Variants in TBC1D5 observed in about 807,000 individuals in gnomAD.
TBC1D5 encodes TBC1 domain family, member 5.
Under a neutral mutation model 100.3 loss-of-function variants are expected in TBC1D5, and 75 were observed. The ratio of observed to expected loss-of-function variants is 0.75; its 90% CI spans 0.62 to 0.91. The LOEUF (loss-of-function observed/expected upper bound fraction) is 0.91. Ranked by LOEUF, TBC1D5 falls within the 40% of genes least tolerant of loss-of-function variation. The probability of loss-of-function intolerance (pLI) is 0.00; values close to 1 mark genes in which losing one functional copy is unlikely to be tolerated. For missense variants in TBC1D5, 910 were observed against 942.4 expected, an observed-to-expected ratio of 0.97 and a Z score of 0.45; for synonymous variants, 323 against 325.6, an observed-to-expected ratio of 0.99 and a Z score of 0.09.
chr3:17,638,339 T>A (rs530804291), intron 1 of TBC1D5, among the ~76,000 whole-genome samples: 1 of 152,060 alleles, frequency 6.6e-6, no homozygotes, highest in African/African-American at 2.4e-5. Flanking sequence ...CAATCCCCCT[T>A]ACCCTAGCAA....
chr3:17,661,572 C>G (rs1295106770), intron 1 of TBC1D5, among the ~76,000 whole-genome samples: 1 of 150,164 alleles, frequency 6.7e-6, no homozygotes, highest in Non-Finnish European at 1.5e-5. Flanking sequence ...ACGATCTCAG[C>G]TCACTGCAAC....
At position 17,446,111 on chromosome 3, in the gene TBC1D5, G is replaced by A. The variant is rs113519778; in HGVS notation, c.98-17592C>T. 6.6e-3 allele frequency among the ~76,000 whole-genome samples: 1,010 copies of A among 152,174 alleles called. 5 individuals carry two copies. The highest frequency in any genetic ancestry group is 0.022 in the African/African-American group (927 of 41,492). On this transcript the variant is annotated intron_variant, in intron 3 of 21. Coordinates refer to ENST00000253692, the Ensembl canonical transcript of TBC1D5. ...TCCTCTGTGGCATAAAAATATGTAC[G>A]GCAGAAGGATGACTGCCCATCTCTC...
intron 1 of TBC1D5, among the ~76,000 whole-genome samples, chr3:17,674,268 GTCATCTA>G (rs1274980727): frequency 6.6e-6 from 1 of 151,972 alleles, no homozygotes; most frequent in Non-Finnish European, 1.5e-5. Flanking sequence ...AATTTGACAG[GTCATCTA>G]TTGCGAAATA....
chr3:17,172,922 CAG>C (rs1173595858), intron 19 of TBC1D5, among the ~76,000 whole-genome samples: 11 of 152,102 alleles, frequency 7.2e-5, no homozygotes, highest in Admixed American at 7.2e-4. Flanking sequence ...CTGGCTTTAA[CAG>C]AGGTGGAACT....
At chr3:17,536,961 T>C (rs1301045909) in intron 2 of TBC1D5, among the ~76,000 whole-genome samples, 1 of 152,136 alleles carries the variant, frequency 6.6e-6, no homozygotes, top group African/African-American at 2.4e-5. Flanking sequence ...ATATGGTAAA[T>C]GTCTACAGAC....
intron 4 of TBC1D5, among the ~76,000 whole-genome samples, chr3:17,419,019 G>C (rs2149238459): frequency 6.6e-6 from 1 of 152,224 alleles, no homozygotes; most frequent in South Asian, 2.1e-4. Flanking sequence ...GGTATCCATG[G>C]GGGTCCTGAA....
intron 8 of TBC1D5, among the ~76,000 whole-genome samples, chr3:17,384,411 T>A (rs2093069922): frequency 6.6e-6 from 1 of 152,124 alleles, no homozygotes. Context: ...TCATTCTTTT[T>A]CCTTGATGTA....
At chr3:17,601,996 A>AT (rs1332113235) in intron 2 of TBC1D5, among the ~76,000 whole-genome samples, 3 of 151,428 alleles carry the variant, frequency 2.0e-5, no homozygotes, top group South Asian at 4.2e-4. Context: ...CGCCTGGCTA[A>AT]TTTTTTTTGT....
intron 2 of TBC1D5, among the ~76,000 whole-genome samples, chr3:17,609,963 C>G (rs1012625347): frequency 1.3e-5 from 2 of 152,202 alleles, no homozygotes; most frequent in African/African-American, 4.8e-5. Flanking sequence ...AACCTTTACT[C>G]TACATATGTC....
At chr3:17,336,029 T>G (rs2087721338) in intron 13 of TBC1D5, among the ~76,000 whole-genome samples, 1 of 152,150 alleles carries the variant, frequency 6.6e-6, no homozygotes, top group South Asian at 2.1e-4. Context: ...TTCTCAGGGT[T>G]TACAATGTAT....
chr3:17,578,443 T>C (rs552926920), intron 2 of TBC1D5, among the ~76,000 whole-genome samples: 19 of 152,192 alleles, frequency 1.2e-4, no homozygotes, highest in African/African-American at 4.6e-4. Context: ...TTAAACCCAT[T>C]TGTTATCAGA....
chr3:17,644,532 A>G (rs2064832348), intron 1 of TBC1D5, among the ~76,000 whole-genome samples: 1 of 152,174 alleles, frequency 6.6e-6, no homozygotes, highest in African/African-American at 2.4e-5. Context: ...ATGAGTAAGT[A>G]CTGACAACAA....
chr3:17,252,406 A>G (rs2077254910), intron 16 of TBC1D5, among the ~76,000 whole-genome samples: 1 of 152,132 alleles, frequency 6.6e-6, no homozygotes, highest in Non-Finnish European at 1.5e-5. Context: ...AACTTCACTG[A>G]TATTGATGAT....
At chr3:17,675,508 C>A in intron 1 of TBC1D5, among the ~76,000 whole-genome samples, 1 of 152,142 alleles carries the variant, frequency 6.6e-6, no homozygotes, top group Admixed American at 6.6e-5. Flanking sequence ...TCTTCAACTT[C>A]ACTGCAAACC....
intron 16 of TBC1D5, among the ~76,000 whole-genome samples, chr3:17,240,282 T>G (rs2076200324): frequency 6.6e-6 from 1 of 152,162 alleles, no homozygotes. Context: ...AATTCAGCTT[T>G]ATAAAAGAAA....
chr3:17,607,706 C>G (rs945203165), intron 2 of TBC1D5, among the ~76,000 whole-genome samples: 2 of 150,936 alleles, frequency 1.3e-5, no homozygotes, highest in Non-Finnish European at 2.9e-5. Context: ...CCACAGTACC[C>G]AGAATAGAAC....
At chr3:17,162,018 T>C (rs2066107914) in intron 21 of TBC1D5, among the ~76,000 whole-genome samples, 1 of 148,770 alleles carries the variant, frequency 6.7e-6, no homozygotes, top group East Asian at 1.9e-4. Flanking sequence ...TGGCTTTTTA[T>C]TTTTTAACTT....
At chr3:17,679,111 G>A (rs777406011) in intron 1 of TBC1D5, among the ~76,000 whole-genome samples, 5 of 150,298 alleles carry the variant, frequency 3.3e-5, no homozygotes, top group Non-Finnish European at 5.9e-5. Context: ...TGGGATCCAC[G>A]GATATGAACA....
exon 22 of TBC1D5, chr3:17,160,396 G>C (rs980074967): frequency 2.0e-5 from 3 of 151,258 alleles, no homozygotes; most frequent in African/African-American, 4.9e-5. Flanking sequence ...TTTTCCCCCA[G>C]CCCTGGAATC....
Sources: allele counts gnomAD v4.1 joint callset (sites outside exome capture counted in the v4.1 genomes callset), GRCh38; gene constraint gnomAD v4.1.1; transcripts MANE v1.5; gene names NCBI Gene and HGNC (gene_info 2026-07-23, HGNC 2026-07-21).